The following BCLAF3 variants were observed in gnomAD, a reference collection of about 807,000 sequenced individuals.
The protein encoded by BCLAF3 is transient octamer binding factor 1.
In BCLAF3, 24 loss-of-function variants were observed where a neutral mutation model predicts 51.2. That is an observed-to-expected ratio of 0.47 (90% CI 0.34 to 0.66). BCLAF3 has a LOEUF of 0.66. Ranked by LOEUF, BCLAF3 falls within the 30% of genes least tolerant of loss-of-function variation. The pLI is 0.01. For synonymous variants in BCLAF3, 152 were observed against 176.6 expected, an observed-to-expected ratio of 0.86 and a Z score of 1.10; for missense variants, 465 against 525.1, an observed-to-expected ratio of 0.89 and a Z score of 1.12.
In BCLAF3 at chrX:19,929,758, T is replaced by C. The variant is rs73443601; in HGVS notation, c.2106+27A>G. 6,052 of 1,166,496 alleles carry C rather than the reference T, an allele frequency of 5.2e-3. 189 individuals are homozygous for C. The African/African-American group carries it at 0.095, about 18-fold the overall frequency. On this transcript the variant is annotated intron_variant, in intron 11 of 11. Coordinates refer to ENST00000379682, the MANE Select transcript of BCLAF3 (RefSeq NM_001367774.2). ...CTAGGAGTTTAAAAGTCACTAAACATTTTTAAATCATTTTAATTCAACTAA... is the reference window on the plus strand; with the variant it reads ...CTAGGAGTTTAAAAGTCACTAAACACTTTTAAATCATTTTAATTCAACTAA...
intron 10 of BCLAF3, among the ~76,000 whole-genome samples, chrX:19,930,943 T>C (rs956374014): frequency 5.3e-5 from 6 of 112,914 alleles, no homozygotes; most frequent in African/African-American, 9.6e-5. Context: ...ATTATTCTTC[T>C]GATTCATAGT....
chrX:19,936,298 T>C (rs963452790), intron 9 of BCLAF3, among the ~76,000 whole-genome samples: 3 of 111,926 alleles, frequency 2.7e-5, no homozygotes, highest in Non-Finnish European at 5.6e-5. Context: ...TCCTCAACAT[T>C]GCAGGAGGCA....
At position 19,914,755 on chromosome X, in the gene BCLAF3, C is replaced by T. The variant is rs775079429; in HGVS notation, c.*2550G>A. The T allele has an allele frequency of 6.5e-4, 73 of 111,472 alleles. No individual in the cohort carries two copies. The highest frequency in any genetic ancestry group is 2.4e-3 in the African/African-American group (73 of 30,714). The allele number at this position is 111,472 out of a possible 1,213,427, so 9.2% of individuals were successfully genotyped here. A position where few individuals can be genotyped will look rare whatever the true frequency, so the allele number is the denominator to read the frequency against. On this transcript the variant is annotated 3_prime_UTR_variant, in exon 12 of 12. Transcript: ENST00000379682. ...TATAAAAGAAATAATACAGAGAGATCCCGCGTACAATTTACCCAGTTTCCC... is the reference window on the plus strand; with the variant it reads ...TATAAAAGAAATAATACAGAGAGATTCCGCGTACAATTTACCCAGTTTCCC...
chrX:19,983,387 T>C (rs998386216), intron 1 of BCLAF3, among the ~76,000 whole-genome samples: 1 of 99,247 alleles, frequency 1.0e-5, no homozygotes, highest in Non-Finnish European at 2.0e-5. Context: ...CGAGACCAGC[T>C]TGGCCAACAT....
chrX:19,914,968 T>C lies in BCLAF3; in HGVS notation c.*2337A>G, dbSNP rs1199472414. On this transcript the variant is annotated 3_prime_UTR_variant, in exon 12 of 12. Transcript: ENST00000379682. ...CATTGTGATTCTTTGTTTTTGTGAA[T>C]CTCTTCTTCAGCAGTGCATGAGCTT... The C allele has an allele frequency of 9.0e-6, 1 of 111,541 alleles. No individual in the cohort carries two copies. Among genetic ancestry groups the C allele is most frequent in the African/African-American group, 3.3e-5 (1 of 30,657 alleles). 9.2% of individuals were successfully genotyped at this position (111,541 alleles called of 1,213,427 possible).
Position 19,966,638 on chromosome X carries a change from G to A in BCLAF3, c.53C>T (p.Pro18Leu). Residue 18 changes from proline (P) to leucine (L), a missense_variant, in exon 3 of 12, where the codon CCA becomes CTA. Pro to Leu is a moderately conservative substitution (Grantham distance 98). Transcript: ENST00000379682. ...SPRWKHRSLS[P>L]VPRNAEHYKQ... ...GTAGTGTTCAGCATTTCTAGGTACT[G>A]GTGATAAAGACCTATGTAAACAAAC... 1 of 1,206,553 alleles carries A rather than the reference G, an allele frequency of 8.3e-7. No homozygotes were observed. Among genetic ancestry groups the A allele is most frequent in the Non-Finnish European group, 1.1e-6 (1 of 892,747 alleles).
chrX:19,984,358 G>A (rs773043495), intron 1 of BCLAF3, among the ~76,000 whole-genome samples: 1 of 110,661 alleles, frequency 9.0e-6, no homozygotes, highest in South Asian at 3.8e-4. Context: ...CATATTAGGT[G>A]AACCAAAAAT....
At chrX:19,964,952 C>T in intron 4 of BCLAF3, 92 bp downstream of exon 4, 1 of 817,413 alleles carries the variant, frequency 1.2e-6, no homozygotes, top group Non-Finnish European at 1.7e-6. Flanking sequence ...ACTTGATGGA[C>T]TCTAAACACA....
Position 19,949,228 on chromosome X carries a change from T to G in BCLAF3, c.1745+1525A>C, listed in dbSNP as rs1036425044. Among the ~76,000 whole-genome samples the G allele has an allele frequency of 1.0e-3, 114 of 111,489 alleles. 2 individuals carry two copies. The highest frequency in any genetic ancestry group is 3.6e-3 in the African/African-American group (110 of 30,618). On this transcript the variant is annotated intron_variant, in intron 8 of 11. Transcript: ENST00000379682. ...TCTACCTTACACTCATCACTTTACT[T>G]AATCTTAACCACCACTGTGAGGTAA...
intron 7 of BCLAF3, among the ~76,000 whole-genome samples, chrX:19,951,323 C>T (rs1255760790): frequency 1.8e-5 from 2 of 110,939 alleles, no homozygotes; most frequent in East Asian, 2.8e-4. Flanking sequence ...TTAGGCCGGG[C>T]GCAGTGGCTC....
At position 19,990,932 on chromosome X, in the gene BCLAF3, CCG is replaced by C. The variant is rs1425034875; in HGVS notation, c.-61_-60del. On this transcript the variant is annotated 5_prime_UTR_variant, in exon 1 of 12. Coordinates refer to ENST00000379682, the MANE Select transcript of BCLAF3 (RefSeq NM_001367774.2). ...CCCGGCCGGGAAGCCCCCGCCGCCG[CCG>C]CCGCCGCCGCCGCCGCCGCCGCCGC... Among the ~76,000 whole-genome samples, 2 of 79,727 alleles carry C rather than the reference CCG, an allele frequency of 2.5e-5. No individual in the cohort carries two copies. Among genetic ancestry groups the C allele is most frequent in the African/African-American group, 1.4e-4 (2 of 14,696 alleles). The allele number at this position is 79,727 out of a possible 115,157, so 69.2% of individuals were successfully genotyped here. A position where few individuals can be genotyped will look rare whatever the true frequency, so the allele number is the denominator to read the frequency against.
intron 10 of BCLAF3, among the ~76,000 whole-genome samples, chrX:19,931,118 G>C: frequency 8.9e-6 from 1 of 112,400 alleles, no homozygotes; most frequent in East Asian, 2.8e-4. Context: ...TGCATATACT[G>C]TCCAGCATTA....
At chrX:19,961,267 T>G (rs2071847118) in intron 4 of BCLAF3, among the ~76,000 whole-genome samples, 1 of 112,721 alleles carries the variant, frequency 8.9e-6, no homozygotes, top group Admixed American at 9.4e-5. Flanking sequence ...AGATGTAATT[T>G]CTGATAATGA....
chrX:19,973,436 C>CA (rs1569509512), intron 1 of BCLAF3, among the ~76,000 whole-genome samples: 1 of 111,510 alleles, frequency 9.0e-6, no homozygotes, highest in Non-Finnish European at 1.9e-5. Flanking sequence ...AAATGCTCAA[C>CA]AAAAAAGATT....
At chrX:19,987,037 C>T (rs1437972678) in intron 1 of BCLAF3, among the ~76,000 whole-genome samples, 5 of 110,224 alleles carry the variant, frequency 4.5e-5, no homozygotes. Context: ...AACTCCTGGC[C>T]TCAGGTGATC....
At chrX:19,957,650 G>A (rs754894488) in intron 4 of BCLAF3, among the ~76,000 whole-genome samples, 18 of 111,388 alleles carry the variant, frequency 1.6e-4, no homozygotes, top group Non-Finnish European at 3.0e-4. Context: ...TCAATCCATA[G>A]GAGTTACATA....
rs2069872009 is a variant in BCLAF3 at position 19,914,044 on chromosome X, G to A, written c.*3261C>T. The A allele has an allele frequency of 9.0e-6, 1 of 110,909 alleles. No homozygotes were observed. Among genetic ancestry groups the A allele is most frequent in the South Asian group, 3.8e-4 (1 of 2,618 alleles). 9.1% of individuals were successfully genotyped at this position (110,909 alleles called of 1,213,427 possible). A position where few individuals can be genotyped will look rare whatever the true frequency, so the allele number is the denominator to read the frequency against. On this transcript the variant is annotated 3_prime_UTR_variant, in exon 12 of 12. Transcript: ENST00000379682. The stretch of plus-strand genomic sequence containing the variant: ...CTTCTAGGTTCCCATTAAATGTCCA[G>A]AACCAGAACTCACTAGACACAGTCA...
chrX:19,956,751 A>G (rs1188157645), intron 4 of BCLAF3, among the ~76,000 whole-genome samples: 1 of 111,206 alleles, frequency 9.0e-6, no homozygotes, highest in East Asian at 2.8e-4. Flanking sequence ...GACATTTGCA[A>G]CTGCTGGGGT....
chrX:19,925,182 G>A (rs1200250562), intron 11 of BCLAF3, among the ~76,000 whole-genome samples: 1 of 111,219 alleles, frequency 9.0e-6, no homozygotes. Flanking sequence ...GGAAGCAGAG[G>A]ATGTATTAGG....
Sources: allele counts gnomAD v4.1 joint callset (sites outside exome capture counted in the v4.1 genomes callset), GRCh38; gene constraint gnomAD v4.1.1; transcripts MANE v1.5; gene names NCBI Gene and HGNC (gene_info 2026-07-23, HGNC 2026-07-21).